The following EVC2 variants were observed in gnomAD, a reference collection of about 807,000 sequenced individuals.
The protein encoded by EVC2 is limbin.
A neutral mutation model predicts 149.3 loss-of-function variants in EVC2; 148 were observed. The observed-to-expected ratio is 0.99, with a 90% CI of 0.87 to 1.14. EVC2 has a LOEUF of 1.14. Among genes scored for constraint, EVC2 ranks in the 50% most tolerant of loss-of-function variants. EVC2 has a pLI of 0.00. For missense variants in EVC2, 1,854 were observed against 1,627.3 expected (o/e 1.14, Z -2.40); for synonymous variants, 776 against 649.9 (o/e 1.19, Z -2.95).
chr4:5,673,260 G>A (rs937454893), intron 7 of EVC2, among the ~76,000 whole-genome samples: 1 of 152,230 alleles, frequency 6.6e-6, no homozygotes, highest in Non-Finnish European at 1.5e-5. Context: ...AGGAGACACA[G>A]TCAACAGAGT....
chr4:5,595,676 C>T (rs542264974), intron 16 of EVC2, among the ~76,000 whole-genome samples: 259 of 152,218 alleles, frequency 1.7e-3, no homozygotes, highest in African/African-American at 6.0e-3. Flanking sequence ...AGCAAAATAA[C>T]CAGCTAACAT....
At chr4:5,663,709 T>G (rs1413793447) in intron 8 of EVC2, among the ~76,000 whole-genome samples, 1 of 151,986 alleles carries the variant, frequency 6.6e-6, no homozygotes, top group Non-Finnish European at 1.5e-5. Flanking sequence ...TCACTTGAGG[T>G]TAGGAGTTTG....
chr4:5,593,576 T>A (rs567993383), intron 16 of EVC2, among the ~76,000 whole-genome samples: 33 of 152,176 alleles, frequency 2.2e-4, no homozygotes, highest in Non-Finnish European at 4.1e-4. Flanking sequence ...AGATTCCCAT[T>A]CTAGGGGGTG....
In EVC2 at chr4:5,691,268, T is replaced by C. The variant is rs781364831; in HGVS notation, c.516A>G (p.Ala172=). The change falls in exon 4 of 22, where the codon GCA becomes GCG. Residue 172 remains alanine (A), a synonymous_variant. Transcript: ENST00000344408. ...TACACCACCAGTGGAAACTTACCAG[T>C]GCACATTTCTGAAAAATTACTCCAT... The part of the protein sequence containing the change: ...SENGVIFQKC[A]LVSGSSEAQT... The C allele has an allele frequency of 1.2e-6, 2 of 1,613,336 alleles. No homozygotes were observed. The highest frequency in any genetic ancestry group is 1.7e-6 in the Non-Finnish European group (2 of 1,179,388).
chr4:5,678,007 G>A (rs1405232998), intron 7 of EVC2, among the ~76,000 whole-genome samples: 1 of 152,178 alleles, frequency 6.6e-6, no homozygotes, highest in Admixed American at 6.5e-5. Context: ...TTCAAATCCT[G>A]GTCCTGCCAC....
the EVC2 span, among the ~76,000 whole-genome samples, chr4:5,530,588 A>G: frequency 6.6e-6 from 1 of 152,122 alleles, no homozygotes; most frequent in Non-Finnish European, 1.5e-5. Context: ...TCAGCATACA[A>G]TACAATATTA....
At chr4:5,554,604 G>A (rs1437806529) in intron 21 of EVC2, among the ~76,000 whole-genome samples, 3 of 152,140 alleles carry the variant, frequency 2.0e-5, no homozygotes, top group Non-Finnish European at 1.5e-5. Flanking sequence ...ACCACCAGAG[G>A]GAAGACATTT....
intron 9 of EVC2, among the ~76,000 whole-genome samples, chr4:5,641,607 TATG>T (rs1717332838): frequency 1.3e-5 from 2 of 152,330 alleles, no homozygotes; most frequent in Admixed American, 1.3e-4. Flanking sequence ...GTGTGAATTT[TATG>T]ATATGTTAAT....
chr4:5,624,805 C>T (rs1330523439), intron 13 of EVC2, among the ~76,000 whole-genome samples: 1 of 152,082 alleles, frequency 6.6e-6, no homozygotes, highest in Non-Finnish European at 1.5e-5. Context: ...TCTGTTGGGT[C>T]CCAAACTTGG....
At chr4:5,666,370 T>C (rs948283147) in intron 7 of EVC2, among the ~76,000 whole-genome samples, 10 of 152,196 alleles carry the variant, frequency 6.6e-5, no homozygotes, top group African/African-American at 2.4e-4. Context: ...TCCAATCCTG[T>C]GACACTAAAT....
rs1223886767 is a variant in EVC2, at chr4:5,576,050, TA to T, written c.3272+189del. On this transcript the variant is annotated intron_variant, in intron 18 of 21. Coordinates refer to ENST00000344408, the MANE Select transcript of EVC2 (RefSeq NM_147127.5). This position sits in a 1 kb window ranked among gnomAD's most constrained non-coding sequence, Gnocchi z 4.5. ...GGTAAAACTTCAATGATATTAAATT[TA>T]AAAAAGAAGGGCATCAGGGAAGAAA... Among the ~76,000 whole-genome samples the T allele has an allele frequency of 6.6e-6, 1 of 152,240 alleles. No homozygotes were observed. Among genetic ancestry groups the T allele is most frequent in the Admixed American group, 6.5e-5 (1 of 15,298 alleles).
In EVC2 at chr4:5,568,605, G is replaced by A. The variant is rs753888346; in HGVS notation, c.3396C>T (p.Ala1132=). 2 of 1,609,180 alleles carry A rather than the reference G, an allele frequency of 1.2e-6. No homozygotes were observed. The highest frequency in any genetic ancestry group is 1.1e-5 in the South Asian group (1 of 90,412). ...GGCGAAGCGTGGCCCCGGGCACCAT[G>A]GCCATCCTCGCCAGGTACGATGCCA... ...LRLASYLARM[A]MVPGATLRRL... Residue 1132 remains alanine (A), a synonymous_variant, in exon 20 of 22, where the codon GCC becomes GCT. Transcript: ENST00000344408.
chr4:5,612,164 G>A (rs946002143), intron 16 of EVC2, among the ~76,000 whole-genome samples: 7 of 152,174 alleles, frequency 4.6e-5, no homozygotes, highest in African/African-American at 1.7e-4. Context: ...AACTAGCCTT[G>A]TGTAGAAAAT....
chr4:5,651,820 G>C (rs767278604), intron 9 of EVC2, among the ~76,000 whole-genome samples: 3 of 152,214 alleles, frequency 2.0e-5, no homozygotes, highest in Non-Finnish European at 4.4e-5. Context: ...TTATAGCTGA[G>C]CTTAGAGAAG....
rs1714005101 is a variant in EVC2, at chr4:5,601,831, CA to C, written c.2829+13590del. Among the ~76,000 whole-genome samples, 4 of 152,082 alleles carry C rather than the reference CA, an allele frequency of 2.6e-5. No homozygotes were observed. In the South Asian group the frequency reaches 8.3e-4, roughly 32 times the overall value. ...GTGAAGGGAATTCACAGTGTGACCC[CA>C]AGATGGCAGCTGTGCATGAGGCACA... is the stretch of plus-strand genomic sequence containing the variant. On this transcript the variant is annotated intron_variant, in intron 16 of 21. Transcript: ENST00000344408.
intron 1 of EVC2, among the ~76,000 whole-genome samples, chr4:5,704,835 A>G (rs1024496773): frequency 6.6e-6 from 1 of 151,632 alleles, no homozygotes; most frequent in African/African-American, 2.4e-5. Context: ...CCTCCTGAAA[A>G]CCTGGGAATA....
chr4:5,683,661 G>A (rs186015737), intron 6 of EVC2, among the ~76,000 whole-genome samples: 3 of 152,214 alleles, frequency 2.0e-5, no homozygotes, highest in Admixed American at 6.5e-5. Context: ...AGTAACAGGC[G>A]GGACTATTTC....
the EVC2 span, among the ~76,000 whole-genome samples, chr4:5,536,263 T>C: frequency 6.6e-6 from 1 of 152,186 alleles, no homozygotes; most frequent in African/African-American, 2.4e-5. Flanking sequence ...CAGAACCTAG[T>C]GCCCCTCACC....
chr4:5,533,054 G>A, the EVC2 span, among the ~76,000 whole-genome samples: 1 of 150,564 alleles, frequency 6.6e-6, no homozygotes, highest in Non-Finnish European at 1.5e-5. Flanking sequence ...AACGTATCAC[G>A]GACAAAACAG....
Sources: allele counts gnomAD v4.1 joint callset (sites outside exome capture counted in the v4.1 genomes callset), GRCh38; gene constraint gnomAD v4.1.1; non-coding constraint Gnocchi (gnomAD v3.1); transcripts MANE v1.5; gene names NCBI Gene and HGNC (gene_info 2026-07-23, HGNC 2026-07-21).